The following BMPR1A variants were observed in gnomAD, a reference collection of about 807,000 sequenced individuals.
The protein encoded by BMPR1A is bone morphogenetic protein receptor type 1A, also known as bone morphogenetic protein receptor type-1A.
BMPR1A carries 7 observed loss-of-function variants against 66.0 expected under a neutral mutation model. The ratio of observed to expected loss-of-function variants is 0.11; its 90% confidence interval spans 0.06 to 0.20. The LOEUF is 0.20. Among genes scored for constraint, BMPR1A ranks in the 10% least tolerant of loss-of-function variants. The pLI, the probability that BMPR1A is intolerant of heterozygous loss-of-function variation, is 1.00. For synonymous variants in BMPR1A, 200 were observed against 229.7 expected (o/e 0.87, Z 1.17); for missense variants, 408 against 669.1 (o/e 0.61, Z 4.31).
chr10:86,851,527 C>T (rs925214917), intron 2 of BMPR1A, among the ~76,000 whole-genome samples: 8 of 152,108 alleles, frequency 5.3e-5, no homozygotes, highest in African/African-American at 1.4e-4. Context: ...TTTGAGTGAA[C>T]ATTGCTCAAG....
intron 3 of BMPR1A, among the ~76,000 whole-genome samples, chr10:86,876,400 AAGAC>A (rs1342504903): frequency 1.3e-5 from 2 of 152,228 alleles, no homozygotes; most frequent in Non-Finnish European, 2.9e-5. Context: ...TAGTAGCTGA[AAGAC>A]AGGGTAATAG....
At chr10:86,900,003 T>C (rs1843285568) in intron 6 of BMPR1A, 24 bp from the exon 7 acceptor site, 2 of 1,613,472 alleles carry the variant, frequency 1.2e-6, no homozygotes, top group African/African-American at 2.7e-5. Context: ...TTCAATTGTT[T>C]ACATTGTTTA....
At chr10:86,882,883 T>C (rs991053053) in intron 3 of BMPR1A, among the ~76,000 whole-genome samples, 1 of 151,674 alleles carries the variant, frequency 6.6e-6, no homozygotes, top group Non-Finnish European at 1.5e-5. Context: ...GGAGAATCGC[T>C]TGAACCTGGG....
In BMPR1A at chr10:86,926,211, C is replaced by T. The variant is rs981290697; in HGVS notation, c.*2492C>T. 13 of 160,054 alleles carry T rather than the reference C, an allele frequency of 8.1e-5. No homozygotes were observed. Among genetic ancestry groups the T allele is most frequent in the Non-Finnish European group, 1.4e-4 (10 of 72,568 alleles). 9.9% of individuals were successfully genotyped at this position (160,054 alleles called of 1,614,324 possible). A position where few individuals can be genotyped will look rare whatever the true frequency, so the allele number is the denominator to read the frequency against. ...CATGTTCTTTAAAAAGCAAATGCTG[C>T]CGTCTTTGGAATCTTAATCTAAAAA... On this transcript the variant is annotated 3_prime_UTR_variant, in exon 13 of 13. Transcript: ENST00000372037.
intron 1 of BMPR1A, among the ~76,000 whole-genome samples, chr10:86,799,066 AG>A (rs1218710618): frequency 6.6e-6 from 1 of 152,242 alleles, no homozygotes; most frequent in Non-Finnish European, 1.5e-5. Context: ...AAGGGATGTC[AG>A]GGAACATTAG....
In BMPR1A at chr10:86,800,599, G is replaced by A. The variant is rs111639559; in HGVS notation, c.-267-38266G>A. Among the ~76,000 whole-genome samples the A allele has an allele frequency of 4.5e-3, 682 of 152,132 alleles. 9 individuals are homozygous for A. The highest frequency in any genetic ancestry group is 0.015 in the African/African-American group (643 of 41,496). ...GTAGAGACGGGATTTCACCATGTTG[G>A]CCAGGTTGGTCTTGAACTCCTGAGC... On this transcript the variant is annotated intron_variant, in intron 1 of 12. Coordinates refer to ENST00000372037, the MANE Select transcript of BMPR1A (RefSeq NM_004329.3).
chr10:86,825,704 C>T (rs1232856859), intron 1 of BMPR1A, among the ~76,000 whole-genome samples: 2 of 152,102 alleles, frequency 1.3e-5, no homozygotes, highest in African/African-American at 4.8e-5. Context: ...CTTGAACTCA[C>T]GGGCTGAAGT....
chr10:86,917,509 C>T (rs1207239279), intron 9 of BMPR1A, among the ~76,000 whole-genome samples, 183 bp downstream of exon 9: 4 of 152,214 alleles, frequency 2.6e-5, no homozygotes, highest in African/African-American at 9.6e-5. Flanking sequence ...TCTTTCTTTA[C>T]TAACCAGCTG....
At chr10:86,891,594 T>A (rs1310930496) in intron 4 of BMPR1A, among the ~76,000 whole-genome samples, 1 of 152,208 alleles carries the variant, frequency 6.6e-6, no homozygotes, top group East Asian at 1.9e-4. Context: ...GTAAATTTAT[T>A]GAAAATTTAT....
At chr10:86,888,552 C>T (rs1191807574) in intron 3 of BMPR1A, among the ~76,000 whole-genome samples, 1 of 152,110 alleles carries the variant, frequency 6.6e-6, no homozygotes, top group African/African-American at 2.4e-5. Flanking sequence ...ATTGGCCAGG[C>T]ATAGTGGCTC....
intron 1 of BMPR1A, among the ~76,000 whole-genome samples, chr10:86,767,058 G>GT (rs770245428): frequency 5.3e-5 from 8 of 152,100 alleles, no homozygotes; most frequent in Non-Finnish European, 8.8e-5. Flanking sequence ...TCGTGACCTC[G>GT]TGATCCGCCC....
chr10:86,779,462 A>T (rs1219788037), intron 1 of BMPR1A, among the ~76,000 whole-genome samples: 4 of 151,526 alleles, frequency 2.6e-5, no homozygotes, highest in Non-Finnish European at 5.9e-5. Context: ...TTTTAATTGG[A>T]TTGTTTATCT....
intron 3 of BMPR1A, among the ~76,000 whole-genome samples, chr10:86,882,843 G>C (rs950451486): frequency 6.6e-6 from 1 of 151,930 alleles, no homozygotes; most frequent in African/African-American, 2.4e-5. Flanking sequence ...GCACATGCCT[G>C]TAATCCCAGC....
chr10:86,804,789 GGT>G (rs1491310795), intron 1 of BMPR1A, among the ~76,000 whole-genome samples: 2,677 of 116,522 alleles, frequency 0.023, 42 homozygotes, highest in Non-Finnish European at 0.032. Flanking sequence ...AATGTTTGTA[GGT>G]GTTTTTTTTT....
intron 2 of BMPR1A, among the ~76,000 whole-genome samples, chr10:86,872,863 T>C (rs1387310855): frequency 1.3e-5 from 2 of 152,170 alleles, no homozygotes; most frequent in African/African-American, 2.4e-5. Context: ...CAAGTGATCC[T>C]GTTTGAGCCC....
chr10:86,830,495 C>T (rs916053421), intron 1 of BMPR1A, among the ~76,000 whole-genome samples: 6 of 152,190 alleles, frequency 3.9e-5, no homozygotes, highest in Non-Finnish European at 7.3e-5. Context: ...TTCGTGTCCA[C>T]ATTTGGTGTT....
At chr10:86,878,648 C>T (rs1475655671) in intron 3 of BMPR1A, among the ~76,000 whole-genome samples, 1 of 152,192 alleles carries the variant, frequency 6.6e-6, no homozygotes, top group Non-Finnish European at 1.5e-5. Flanking sequence ...TTACTATTAT[C>T]TGCATTTGAG....
intron 1 of BMPR1A, among the ~76,000 whole-genome samples, chr10:86,768,852 G>T (rs1841206727): frequency 6.6e-6 from 1 of 152,168 alleles, no homozygotes; most frequent in Non-Finnish European, 1.5e-5. Flanking sequence ...GTGAAACAAG[G>T]ATAATAATGG....
intron 4 of BMPR1A, among the ~76,000 whole-genome samples, chr10:86,891,595 G>T (rs1414003401): frequency 6.6e-6 from 1 of 152,086 alleles, no homozygotes; most frequent in African/African-American, 2.4e-5. Flanking sequence ...TAAATTTATT[G>T]AAAATTTATT....
Sources: gnomAD v4.1 joint callset for allele counts (sites outside exome capture counted in the v4.1 genomes callset) on GRCh38, gnomAD v4.1.1 for gene constraint, MANE v1.5 for transcripts, NCBI Gene and HGNC (gene_info 2026-07-23, HGNC 2026-07-21) for gene names.